The following BCL2 variants were observed in gnomAD, a reference collection of about 807,000 sequenced individuals.
The protein encoded by BCL2 is apoptosis regulator Bcl-2.
BCL2 carries 1 observed loss-of-function variant against 14.2 expected under a neutral mutation model. That is an observed-to-expected ratio of 0.07 (90% confidence interval 0.02 to 0.33). The LOEUF (loss-of-function observed/expected upper bound fraction) is 0.33. Ranked by LOEUF, BCL2 falls within the 10% of genes least tolerant of loss-of-function variation. BCL2 has a pLI of 0.99. For missense variants in BCL2, 247 were observed against 305.9 expected, an observed-to-expected ratio of 0.81 and a Z score of 1.44; for synonymous variants, 151 against 137.2, an observed-to-expected ratio of 1.10 and a Z score of -0.70.
intron 2 of BCL2, among the ~76,000 whole-genome samples, chr18:63,156,800 C>G (rs1277520755): frequency 6.6e-6 from 1 of 152,204 alleles, no homozygotes. Context: ...ACTCCACACC[C>G]AAAGCCCTCA....
intron 2 of BCL2, among the ~76,000 whole-genome samples, chr18:63,171,456 A>G (rs1489196270): frequency 6.6e-6 from 1 of 152,246 alleles, no homozygotes; most frequent in African/African-American, 2.4e-5. Flanking sequence ...ATGCTTAGCA[A>G]CTGGTGGCCC....
intron 2 of BCL2, among the ~76,000 whole-genome samples, chr18:63,277,565 G>T (rs933260843): frequency 2.1e-5 from 3 of 145,346 alleles, no homozygotes; most frequent in African/African-American, 7.6e-5. Flanking sequence ...GACAGAGGGA[G>T]ATCATGTCCT....
chr18:63,278,367 C>T (rs78051903), intron 2 of BCL2, among the ~76,000 whole-genome samples: 2,424 of 152,308 alleles, frequency 0.016, 58 homozygotes, highest in African/African-American at 0.05. Context: ...TCGGGCTCCC[C>T]GGAGCCTTCT....
chr18:63,153,431 C>T (rs1014933137), intron 2 of BCL2, among the ~76,000 whole-genome samples: 3 of 152,162 alleles, frequency 2.0e-5, no homozygotes, highest in Non-Finnish European at 2.9e-5. Flanking sequence ...TCTTTATTTA[C>T]AAGTAGCTTA....
intron 1 of BCL2, 49 bp downstream of exon 1, chr18:63,319,125 G>C: frequency 1.0e-6 from 1 of 966,814 alleles, no homozygotes; most frequent in Non-Finnish European, 1.3e-6. Flanking sequence ...AATCTCAAAG[G>C]TTTCCATTGA....
chr18:63,178,912 A>G (rs1302822854), intron 2 of BCL2, among the ~76,000 whole-genome samples: 1 of 152,114 alleles, frequency 6.6e-6, no homozygotes, highest in Non-Finnish European at 1.5e-5. Flanking sequence ...AAAAAAAAAA[A>G]AAAAGTCAGT....
At chr18:63,201,327 A>G (rs892424998) in intron 2 of BCL2, among the ~76,000 whole-genome samples, 1 of 152,206 alleles carries the variant, frequency 6.6e-6, no homozygotes, top group East Asian at 1.9e-4. Flanking sequence ...GTCTTTCAAA[A>G]GACGCTAGTC....
intron 2 of BCL2, among the ~76,000 whole-genome samples, chr18:63,306,678 A>G (rs562195088): frequency 1.3e-5 from 2 of 152,218 alleles, no homozygotes; most frequent in Admixed American, 6.5e-5. Context: ...AAATGCCACC[A>G]CTATTGCTGC....
chr18:63,219,912 G>C (rs547731729), intron 2 of BCL2, among the ~76,000 whole-genome samples: 1 of 152,146 alleles, frequency 6.6e-6, no homozygotes, highest in Admixed American at 6.5e-5. Flanking sequence ...GGTAAAATCC[G>C]TATGTTTCAA....
rs574148249 is a variant in BCL2 at position 63,128,684 on chromosome 18, G to A, written c.661C>T (p.Leu221Phe). Reference protein sequence around the residue: ...DFSWLSLKTLLSLALVGACIT... With the variant: ...DFSWLSLKTLFSLALVGACIT... ...CAAGCTCCCACCAGGGCCAAACTGAGCAGAGTCTTCAGAGACAGCCAGGAG... is the reference window on the plus strand; with the variant it reads ...CAAGCTCCCACCAGGGCCAAACTGAACAGAGTCTTCAGAGACAGCCAGGAG... The change falls in exon 3 of 3, where the codon CTC (leucine) becomes TTC (phenylalanine). Residue 221 changes from leucine (L) to phenylalanine (F), a missense_variant. Physicochemically the swap from Leu to Phe is conservative, Grantham distance 22. Transcript: ENST00000333681. 23 of 781,098 alleles carry A rather than the reference G, an allele frequency of 2.9e-5. No individual in the cohort carries two copies. The highest frequency in any genetic ancestry group is 2.5e-4 in the Admixed American group (15 of 59,034). The allele number at this position is 781,098 out of a possible 1,614,324, so 48.4% of individuals were successfully genotyped here. A position where few individuals can be genotyped will look rare whatever the true frequency, so the allele number is the denominator to read the frequency against.
chr18:63,318,372 G>T lies in BCL2; in HGVS notation c.295C>A (p.Gln99Lys). 6.2e-7 allele frequency: 1 copy of T among 1,601,608 alleles called. No homozygotes were observed. Among genetic ancestry groups the T allele is most frequent in the Middle Eastern group, 1.7e-4 (1 of 6,002 alleles). Residue 99 changes from glutamine (Q) to lysine (K), a missense_variant, in exon 2 of 3, where the codon CAG becomes AAG. Transcript: ENST00000333681. The surrounding 1 kb of genome is among the most constrained non-coding windows in gnomAD (Gnocchi z 7.4). ...VPPVVHLTLRQAGDDFSRRYR... is the reference protein window; with the variant it reads ...VPPVVHLTLRKAGDDFSRRYR... The stretch of plus-strand genomic sequence containing the variant: ...CGGCGGGAGAAGTCGTCGCCGGCCT[G>T]GCGGAGGGTCAGGTGGACCACAGGT...
At position 63,318,046 on chromosome 18, in the gene BCL2, G is replaced by A; in HGVS notation, c.585+36C>T. On this transcript the variant is annotated intron_variant, in intron 2 of 2. Coordinates refer to ENST00000333681, the MANE Select transcript of BCL2 (RefSeq NM_000633.3). The surrounding 1 kb of genome is among the most constrained non-coding windows in gnomAD (Gnocchi z 7.4). ...CCAACCCCCGCATCTCGGACCTGTG[G>A]CCTCAGCCCAGACTCACATCACCAA... The A allele has an allele frequency of 6.2e-7, 1 of 1,605,872 alleles. No individual in the cohort carries two copies. The highest frequency in any genetic ancestry group is 1.7e-5 in the Admixed American group (1 of 59,562).
chr18:63,191,631 T>G (rs1909294079), intron 2 of BCL2, among the ~76,000 whole-genome samples: 1 of 152,250 alleles, frequency 6.6e-6, no homozygotes, highest in South Asian at 2.1e-4. Flanking sequence ...TAGGCATCCA[T>G]GCATAAGCAG....
Position 63,190,885 on chromosome 18 carries a change from T to G in BCL2, c.586-62126A>C, listed in dbSNP as rs544067417. Among the ~76,000 whole-genome samples the G allele has an allele frequency of 1.4e-4, 22 of 152,264 alleles. No homozygotes were observed. In the South Asian group the frequency reaches 3.3e-3, roughly 23 times the overall value. The stretch of plus-strand genomic sequence containing the variant: ...CCCACCCTCAACAGGCTCCAGTGTG[T>G]TGTTCCCCTCCCTGTGTCCATGTGT... On this transcript the variant is annotated intron_variant, in intron 2 of 2. Coordinates refer to ENST00000333681, the MANE Select transcript of BCL2 (RefSeq NM_000633.3).
chr18:63,288,045 T>C (rs1912525609), intron 2 of BCL2, among the ~76,000 whole-genome samples: 1 of 152,212 alleles, frequency 6.6e-6, no homozygotes, highest in South Asian at 2.1e-4. Context: ...GATGAGTTCA[T>C]TTTGGACATT....
chr18:63,141,771 C>T (rs1044597517), intron 2 of BCL2, among the ~76,000 whole-genome samples: 2 of 152,354 alleles, frequency 1.3e-5, no homozygotes, highest in East Asian at 1.9e-4. Context: ...TACCTGTCTC[C>T]GTATGTGAGT....
At chr18:63,213,371 G>A (rs919588997) in intron 2 of BCL2, among the ~76,000 whole-genome samples, 2 of 151,930 alleles carry the variant, frequency 1.3e-5, no homozygotes, top group African/African-American at 4.8e-5. Context: ...CACCAATGTA[G>A]GTCCTCACAC....
chr18:63,289,821 G>A (rs187380297), intron 2 of BCL2, among the ~76,000 whole-genome samples: 549 of 152,306 alleles, frequency 3.6e-3, no homozygotes, highest in Middle Eastern at 6.8e-3. Context: ...TTGAGCCTGG[G>A]AGGCGGAGGT....
chr18:63,180,761 A>C (rs1375371343), intron 2 of BCL2, among the ~76,000 whole-genome samples: 2 of 152,288 alleles, frequency 1.3e-5, no homozygotes, highest in Admixed American at 6.5e-5. Context: ...CTCCATCATC[A>C]AGGTCCCTTA....
Sources: allele counts gnomAD v4.1 joint callset (sites outside exome capture counted in the v4.1 genomes callset), GRCh38; gene constraint gnomAD v4.1.1; non-coding constraint Gnocchi (gnomAD v3.1); transcripts MANE v1.5; gene names NCBI Gene and HGNC (gene_info 2026-07-23, HGNC 2026-07-21).